The following LYN variants were observed in gnomAD, a reference collection of about 807,000 sequenced individuals.
LYN encodes LYN proto-oncogene, Src family tyrosine kinase.
Under a neutral mutation model 65.0 loss-of-function variants are expected in LYN, and 12 were observed. The observed-to-expected ratio is 0.18, with a 90% CI of 0.12 to 0.30. The LOEUF (loss-of-function observed/expected upper bound fraction) is 0.30. Ranked by LOEUF, LYN falls within the 10% of genes least tolerant of loss-of-function variation. The probability of loss-of-function intolerance (pLI) is 1.00; values close to 1 mark genes in which losing one functional copy is unlikely to be tolerated. For missense variants in LYN, 380 were observed against 623.2 expected (o/e 0.61, Z 4.16); for synonymous variants, 222 against 221.2 (o/e 1.00, Z -0.03).
intron 12 of LYN, among the ~76,000 whole-genome samples, chr8:56,008,153 A>T (rs1808725168): frequency 6.7e-6 from 1 of 150,086 alleles, no homozygotes; most frequent in Non-Finnish European, 1.5e-5. Flanking sequence ...ATAAAATAAA[A>T]TACTGGTAGT....
At chr8:55,945,788 C>T (rs1377816855) in intron 2 of LYN, among the ~76,000 whole-genome samples, 2 of 152,164 alleles carry the variant, frequency 1.3e-5, no homozygotes, top group Non-Finnish European at 2.9e-5. Flanking sequence ...TCAGGGTCAG[C>T]CCAAGAAAAC....
At chr8:55,889,899 T>C (rs372777006) in intron 1 of LYN, among the ~76,000 whole-genome samples, 4 of 152,018 alleles carry the variant, frequency 2.6e-5, no homozygotes, top group African/African-American at 9.7e-5. Context: ...CAGTTTGTTG[T>C]GAGTGTTCTA....
rs1808798102 is a variant in LYN, at chr8:56,010,901, A to G, written c.*791A>G. ...TCTGTGTTTAGAAGGAATATTTTTA[A>G]GAGTCCAGCTTTTTCATTTCCACAA... On this transcript the variant is annotated 3_prime_UTR_variant, in exon 13 of 13. Coordinates refer to ENST00000519728, the MANE Select transcript of LYN (RefSeq NM_002350.4). The G allele has an allele frequency of 4.3e-6, 1 of 230,534 alleles. No homozygotes were observed. Among genetic ancestry groups the G allele is most frequent in the Non-Finnish European group, 8.6e-6 (1 of 116,436 alleles). The allele number at this position is 230,534 out of a possible 1,614,324, so 14.3% of individuals were successfully genotyped here. A position where few individuals can be genotyped will look rare whatever the true frequency, so the allele number is the denominator to read the frequency against.
chr8:55,984,858 A>G (rs747168842), intron 10 of LYN, among the ~76,000 whole-genome samples: 16 of 151,926 alleles, frequency 1.1e-4, no homozygotes, highest in Non-Finnish European at 1.8e-4. Context: ...TTCAGAAGTT[A>G]CTCCTTTTCA....
chr8:55,937,662 C>T (rs16922437), intron 1 of LYN, among the ~76,000 whole-genome samples: 2,706 of 152,208 alleles, frequency 0.018, 92 homozygotes, highest in African/African-American at 0.062. Context: ...AAACCAAAAC[C>T]CTACTGCCTC....
chr8:55,920,556 T>C (rs901191499), intron 1 of LYN, among the ~76,000 whole-genome samples: 5 of 152,182 alleles, frequency 3.3e-5, no homozygotes, highest in Non-Finnish European at 5.9e-5. Flanking sequence ...CCTTCACAGA[T>C]GAGGAAAATG....
chr8:55,967,535 C>T (rs1450366841), intron 9 of LYN, among the ~76,000 whole-genome samples: 10 of 151,964 alleles, frequency 6.6e-5, no homozygotes, highest in African/African-American at 2.4e-4. Flanking sequence ...AGGCTGGTCT[C>T]GAACTCCTGA....
In LYN at chr8:55,975,641, G is replaced by A. The variant is rs967071805; in HGVS notation, c.1050+5848G>A. Among the ~76,000 whole-genome samples the A allele has an allele frequency of 2.6e-5, 4 of 152,188 alleles. 1 individual carries two copies. The East Asian group carries it at 7.7e-4, about 29-fold the overall frequency. The stretch of plus-strand genomic sequence containing the variant: ...TCTATTTATCTTTTTTGAATAATGA[G>A]TGTTATGTTTTCAGCTTAAACTTTG... On this transcript the variant is annotated intron_variant, in intron 10 of 12. Transcript: ENST00000519728.
intron 8 of LYN, among the ~76,000 whole-genome samples, chr8:55,956,117 AAG>A (rs1491478725): frequency 2.0e-5 from 3 of 147,632 alleles, no homozygotes; most frequent in Non-Finnish European, 3.0e-5. Flanking sequence ...TCATTAAAAA[AAG>A]AATGACTTGG....
intron 1 of LYN, among the ~76,000 whole-genome samples, chr8:55,883,616 C>T (rs1804706438): frequency 6.6e-6 from 1 of 152,230 alleles, no homozygotes; most frequent in South Asian, 2.1e-4. Flanking sequence ...TTTCCCCGAC[C>T]TGTGCTGGGA....
intron 1 of LYN, among the ~76,000 whole-genome samples, chr8:55,890,545 T>C (rs1804928464): frequency 1.3e-5 from 2 of 152,128 alleles, no homozygotes; most frequent in East Asian, 1.9e-4. Flanking sequence ...AAATTAGACA[T>C]AGAATTGCCA....
chr8:55,929,572 C>T (rs1402009932), intron 1 of LYN, among the ~76,000 whole-genome samples: 1 of 152,164 alleles, frequency 6.6e-6, no homozygotes, highest in Non-Finnish European at 1.5e-5. Context: ...TTATTACCAG[C>T]AATTAAAACA....
chr8:55,887,563 T>A (rs370755577), intron 1 of LYN, among the ~76,000 whole-genome samples: 41,363 of 107,906 alleles, frequency 0.38, 8,516 homozygotes, highest in East Asian at 0.57. Flanking sequence ...TATAAATATA[T>A]ATATATATAT....
chr8:55,978,554 C>T (rs1807824512), intron 10 of LYN, among the ~76,000 whole-genome samples: 1 of 152,062 alleles, frequency 6.6e-6, no homozygotes, highest in Admixed American at 6.6e-5. Flanking sequence ...GTGCTGCAGA[C>T]AGTCATATAA....
chr8:56,006,015 T>TGAGGC (rs1808663186), intron 12 of LYN, among the ~76,000 whole-genome samples: 1 of 150,944 alleles, frequency 6.6e-6, no homozygotes, highest in Admixed American at 6.6e-5. Flanking sequence ...GCCCAGGGAG[T>TGAGGC]TTGAGGCTGC....
chr8:55,913,621 G>A (rs980733911), intron 1 of LYN, among the ~76,000 whole-genome samples: 2 of 152,168 alleles, frequency 1.3e-5, no homozygotes, highest in East Asian at 1.9e-4. Context: ...AAGTGTAAAC[G>A]CCCGTAATGG....
chr8:55,931,165 ATAT>A (rs981489518), intron 1 of LYN, among the ~76,000 whole-genome samples: 5 of 147,816 alleles, frequency 3.4e-5, no homozygotes, highest in Admixed American at 6.8e-5. Context: ...TAAATAAAAT[ATAT>A]TATATTTTAA....
chr8:55,923,544 C>T (rs1024319954), intron 1 of LYN, among the ~76,000 whole-genome samples: 4 of 151,974 alleles, frequency 2.6e-5, no homozygotes, highest in Non-Finnish European at 5.9e-5. Flanking sequence ...TTAGGTCAAA[C>T]AACTTTTTTT....
chr8:55,946,320 G>A, intron 2 of LYN, 128 bp from the exon 3 acceptor site: 1 of 720,694 alleles, frequency 1.4e-6, no homozygotes, highest in South Asian at 1.6e-5. Context: ...CTGTGCTCCT[G>A]TTCTTTCTGA....
Sources: gnomAD v4.1 joint callset for allele counts (sites outside exome capture counted in the v4.1 genomes callset) on GRCh38, gnomAD v4.1.1 for gene constraint, MANE v1.5 for transcripts, NCBI Gene and HGNC (gene_info 2026-07-23, HGNC 2026-07-21) for gene names.